Variants in CCDC6 observed in about 807,000 individuals in gnomAD.
CCDC6 encodes the protein coiled-coil domain containing 6, also known as coiled-coil domain-containing protein 6.
In CCDC6, 20 loss-of-function variants were observed where a neutral mutation model predicts 56.6. That is an observed-to-expected ratio of 0.35 (90% CI 0.25 to 0.51). The LOEUF is 0.51. Ranked by LOEUF, CCDC6 falls within the 20% of genes least tolerant of loss-of-function variation. The pLI is 0.95. For missense variants in CCDC6, 367 were observed against 601.1 expected (o/e 0.61, Z 4.07); for synonymous variants, 241 against 234.4 (o/e 1.03, Z -0.26).
At chr10:59,876,039 G>A (rs1228822782) in intron 1 of CCDC6, among the ~76,000 whole-genome samples, 1 of 133,294 alleles carries the variant, frequency 7.5e-6, no homozygotes, top group African/African-American at 2.8e-5. Context: ...TGGCCAACAA[G>A]CCTACACACA....
intron 2 of CCDC6, among the ~76,000 whole-genome samples, chr10:59,839,264 A>G (rs1293451652): frequency 6.6e-6 from 1 of 152,226 alleles, no homozygotes; most frequent in Non-Finnish European, 1.5e-5. Context: ...GTGTGCTGCC[A>G]TCCTAGAACA....
rs542756199 is a variant in CCDC6 at position 59,842,855 on chromosome 10, G to A, written c.453+9698C>T. Among the ~76,000 whole-genome samples the A allele has an allele frequency of 1.2e-4, 18 of 150,068 alleles. No homozygotes were observed. In the East Asian group the frequency reaches 3.2e-3, roughly 26 times the overall value. The stretch of plus-strand genomic sequence containing the variant: ...AGCAAGCTCCGCCTCCCAGGTTCAC[G>A]CTATTCTCCTGCCTCAACCTCCCGA... On this transcript the variant is annotated intron_variant, in intron 2 of 8. Coordinates refer to ENST00000263102, the MANE Select transcript of CCDC6 (RefSeq NM_005436.5).
intron 7 of CCDC6, among the ~76,000 whole-genome samples, chr10:59,797,776 T>C (rs2070536503): frequency 1.3e-5 from 2 of 151,344 alleles, no homozygotes; most frequent in Admixed American, 1.3e-4. Context: ...ATACAAGGAA[T>C]GAAAGCCCTG....
intron 2 of CCDC6, among the ~76,000 whole-genome samples, chr10:59,851,330 A>G (rs1033020789): frequency 3.4e-4 from 52 of 152,116 alleles, no homozygotes; most frequent in African/African-American, 1.2e-3. Flanking sequence ...TTTTCTCTAA[A>G]TCACAATGCA....
chr10:59,810,683 T>C (rs1358264571), intron 5 of CCDC6, among the ~76,000 whole-genome samples: 2 of 151,686 alleles, frequency 1.3e-5, no homozygotes, highest in Non-Finnish European at 2.9e-5. Context: ...GGATTACTTA[T>C]ATATATATTT....
rs1564739224 is a variant in CCDC6 at position 59,809,869 on chromosome 10, G to A, written c.847+2766C>T. Among the ~76,000 whole-genome samples, 7 of 152,228 alleles carry A rather than the reference G, an allele frequency of 4.6e-5. No homozygotes were observed. The South Asian group carries it at 1.2e-3, about 27-fold the overall frequency. On this transcript the variant is annotated intron_variant, in intron 5 of 8. Coordinates refer to ENST00000263102, the MANE Select transcript of CCDC6 (RefSeq NM_005436.5). Reference sequence around the variant, plus strand: ...GTTTCCAAGAACCCAAGGATGATGTGAAGTAAGGACTTACTGTATTTTAGT... The same window carrying A: ...GTTTCCAAGAACCCAAGGATGATGTAAAGTAAGGACTTACTGTATTTTAGT...
At chr10:59,873,149 T>C (rs1001312216) in intron 1 of CCDC6, among the ~76,000 whole-genome samples, 1 of 152,170 alleles carries the variant, frequency 6.6e-6, no homozygotes. Flanking sequence ...TACCTTTCCA[T>C]AGCTCCACTC....
intron 1 of CCDC6, among the ~76,000 whole-genome samples, chr10:59,897,122 G>A (rs956205528): frequency 6.6e-6 from 1 of 152,130 alleles, no homozygotes; most frequent in African/African-American, 2.4e-5. Flanking sequence ...GCTACTAAAT[G>A]AAGTGAAGAC....
intron 1 of CCDC6, among the ~76,000 whole-genome samples, chr10:59,870,975 GA>G (rs1304209584): frequency 2.0e-5 from 3 of 152,134 alleles, no homozygotes; most frequent in Non-Finnish European, 4.4e-5. Context: ...TTCCTGAAAT[GA>G]AAACTCATCA....
At chr10:59,839,109 G>C (rs2070913967) in intron 2 of CCDC6, among the ~76,000 whole-genome samples, 1 of 152,186 alleles carries the variant, frequency 6.6e-6, no homozygotes. Flanking sequence ...TAACTCTACA[G>C]TAGAAACTGT....
intron 3 of CCDC6, among the ~76,000 whole-genome samples, chr10:59,831,133 T>A (rs889365005): frequency 3.9e-5 from 6 of 152,212 alleles, no homozygotes; most frequent in African/African-American, 1.4e-4. Flanking sequence ...CAGAACAAAA[T>A]GTTTTTAAAC....
chr10:59,846,027 C>T (rs1396881465), intron 2 of CCDC6, among the ~76,000 whole-genome samples: 2 of 151,954 alleles, frequency 1.3e-5, no homozygotes. Flanking sequence ...TGAAGGGGAG[C>T]GAGGGTGAAG....
chr10:59,809,157 T>C (rs1228538685), intron 5 of CCDC6, among the ~76,000 whole-genome samples: 1 of 152,246 alleles, frequency 6.6e-6, no homozygotes, highest in Non-Finnish European at 1.5e-5. Flanking sequence ...GAGTATTTGC[T>C]GTTTCTAGAA....
At chr10:59,795,789 C>G (rs972175317) in intron 7 of CCDC6, among the ~76,000 whole-genome samples, 11 of 152,112 alleles carry the variant, frequency 7.2e-5, no homozygotes, top group Non-Finnish European at 1.6e-4. Context: ...ATCCATGTCT[C>G]TACAAAGGAC....
chr10:59,792,795 A>G lies in CCDC6; in HGVS notation c.*122T>C, dbSNP rs1056136582. On this transcript the variant is annotated 3_prime_UTR_variant, in exon 9 of 9. Transcript: ENST00000263102. ...ACATTTACAACACAATGGATAGTGA[A>G]GCCTAGATAACCTCAGTGCAAATAA... is the stretch of plus-strand genomic sequence containing the variant. 1.4e-5 allele frequency: 14 copies of G among 986,754 alleles called. No homozygotes were observed. Among genetic ancestry groups the G allele is most frequent in the Admixed American group, 1.0e-4 (6 of 59,280 alleles). 61.1% of individuals were successfully genotyped at this position (986,754 alleles called of 1,614,324 possible). A position where few individuals can be genotyped will look rare whatever the true frequency, so the allele number is the denominator to read the frequency against.
chr10:59,906,299 GCCGCCGCCTCCC>G lies in CCDC6; in HGVS notation c.114_125del (p.Gly41_Gly44del), dbSNP rs745637381. 16 of 1,602,788 alleles carry G rather than the reference GCCGCCGCCTCCC, an allele frequency of 1.0e-5. No individual in the cohort carries two copies. Among genetic ancestry groups the G allele is most frequent in the South Asian group, 6.6e-5 (6 of 90,930 alleles). ...TGACAATGCCCCCCGACTTCCCACC[GCCGCCGCCTCCC>G]CCGCCGCCACCGCCGCCGCCCGAGG... On this transcript the variant is annotated inframe_deletion, in exon 1 of 9. Transcript: ENST00000263102.
chr10:59,823,353 C>T (rs1312777614), intron 3 of CCDC6, among the ~76,000 whole-genome samples: 1 of 152,114 alleles, frequency 6.6e-6, no homozygotes, highest in African/African-American at 2.4e-5. Flanking sequence ...GTTACAGGCA[C>T]CCCCGCCTAG....
intron 1 of CCDC6, among the ~76,000 whole-genome samples, chr10:59,864,172 AAG>A (rs1277654130): frequency 1.5e-4 from 23 of 152,310 alleles, no homozygotes; most frequent in African/African-American, 5.1e-4. Context: ...TTCAAAGTAG[AAG>A]AAAGTTCCCC....
intron 5 of CCDC6, among the ~76,000 whole-genome samples, chr10:59,811,609 T>C (rs915284211): frequency 2.0e-5 from 3 of 151,958 alleles, no homozygotes; most frequent in African/African-American, 7.3e-5. Flanking sequence ...TGTAAATGAG[T>C]GTGCTCATTG....
Sources: gnomAD v4.1 joint callset for allele counts (sites outside exome capture counted in the v4.1 genomes callset) on GRCh38, gnomAD v4.1.1 for gene constraint, MANE v1.5 for transcripts, NCBI Gene and HGNC (gene_info 2026-07-23, HGNC 2026-07-21) for gene names.